The following UHRF1 variants were observed in gnomAD, a reference collection of about 807,000 sequenced individuals.
UHRF1 encodes E3 ubiquitin-protein ligase UHRF1.
A neutral mutation model predicts 96.5 loss-of-function variants in UHRF1; 9 were observed. That is an observed-to-expected ratio of 0.09 (90% CI 0.06 to 0.16). UHRF1 has a LOEUF of 0.16. Among genes scored for constraint, UHRF1 ranks in the 10% least tolerant of loss-of-function variants. UHRF1 has a pLI of 1.00. For missense variants in UHRF1, 626 were observed against 1,131.1 expected (o/e 0.55, Z 6.40); for synonymous variants, 455 against 469.9 (o/e 0.97, Z 0.41).
rs2033031450 is a variant in UHRF1 at position 4,930,918 on chromosome 19, G to A, written c.569+42G>A. On this transcript the variant is annotated intron_variant, in intron 4 of 16. Transcript: ENST00000650932. The surrounding 1 kb of genome is among the most constrained non-coding windows in gnomAD (Gnocchi z 4.4). Reference sequence around the variant, plus strand: ...GGGCGGGCCTGGGTATTCAGGCTCTGTGACGCGCATCCTTGGCTGCGGGTG... The same window carrying A: ...GGGCGGGCCTGGGTATTCAGGCTCTATGACGCGCATCCTTGGCTGCGGGTG... 1 of 1,609,140 alleles carries A rather than the reference G, an allele frequency of 6.2e-7. No individual in the cohort carries two copies. The highest frequency in any genetic ancestry group is 2.2e-5 in the East Asian group (1 of 44,786).
intron 5 of UHRF1, among the ~76,000 whole-genome samples, chr19:4,941,080 GTTTTGTTTTTT>G (rs1168036200): frequency 1.8e-5 from 2 of 112,844 alleles, no homozygotes; most frequent in African/African-American, 3.8e-5. Flanking sequence ...TGGTTTCTGT[GTTTTGTTTTTT>G]TTTTTTTTTT....
intron 11 of UHRF1, among the ~76,000 whole-genome samples, chr19:4,947,996 C>G (rs1207993770): frequency 6.7e-6 from 1 of 149,636 alleles, no homozygotes; most frequent in Non-Finnish European, 1.5e-5. Flanking sequence ...CACAGCTAGT[C>G]AGGAGGCTGA....
intron 11 of UHRF1, among the ~76,000 whole-genome samples, chr19:4,949,686 A>T (rs994272497): frequency 6.6e-6 from 1 of 152,088 alleles, no homozygotes; most frequent in Non-Finnish European, 1.5e-5. Context: ...AGAATTTCAA[A>T]AAAGTTAGCT....
chr19:4,960,760 C>T lies in UHRF1; in HGVS notation c.2339C>T (p.Thr780Ile), dbSNP rs2033967818. The T allele has an allele frequency of 6.4e-6, 10 of 1,572,712 alleles. No homozygotes were observed. The highest frequency in any genetic ancestry group is 3.3e-4 in the Middle Eastern group (2 of 5,980). Residue 780 changes from threonine (T) to isoleucine (I), a missense_variant, in exon 17 of 17, where the codon ACC becomes ATC. Coordinates refer to ENST00000650932, the MANE Select transcript of UHRF1 (RefSeq NM_001048201.3). ...ATGCAGGTGAACCAGCCTCTGCAGA[C>T]CGTCCTCAACCAGCTCTTCCCCGGC... The part of the protein sequence containing the change: ...YAMQVNQPLQ[T>I]VLNQLFPGYG...
chr19:4,950,542 C>A, intron 11 of UHRF1, 69 bp from the exon 12 acceptor site: 1 of 1,534,250 alleles, frequency 6.5e-7, no homozygotes. Context: ...CCACTCCCGG[C>A]TCCTGTGTTT....
chr19:4,949,127 A>G (rs2033651144), intron 11 of UHRF1, among the ~76,000 whole-genome samples: 1 of 151,994 alleles, frequency 6.6e-6, no homozygotes, highest in Admixed American at 6.6e-5. Context: ...AGAGCAAAAA[A>G]AAAAAAAGAG....
intron 11 of UHRF1, among the ~76,000 whole-genome samples, chr19:4,949,399 T>C (rs1026465536): frequency 2.1e-5 from 3 of 143,020 alleles, no homozygotes; most frequent in Non-Finnish European, 4.7e-5. Context: ...AAAATGTCTT[T>C]AGGAGACCTC....
rs953945682 is a variant in UHRF1, at chr19:4,956,715, T to G, written c.2137T>G (p.Leu713Val). Residue 713 changes from leucine to valine, a missense_variant, in exon 16 of 17, where the codon TTG becomes GTG. Transcript: ENST00000650932. ...DRPASGSPFQ[L>V]FLSKVEETFQ... The stretch of plus-strand genomic sequence containing the variant: ...CACACCCGCTTCCCTCTAGTTCCAG[T>G]TGTTCCTGAGTAAAGTGGAGGAGAC... The G allele has an allele frequency of 1.9e-6, 3 of 1,610,130 alleles. No individual in the cohort carries two copies. In the African/African-American group the frequency reaches 4.0e-5, roughly 21 times the overall value.
chr19:4,950,348 A>G lies in UHRF1; in HGVS notation c.1518-263A>G, dbSNP rs558993998. 8.9e-4 allele frequency among the ~76,000 whole-genome samples: 135 copies of G among 151,414 alleles called. 1 individual carries two copies. Among genetic ancestry groups the G allele is most frequent in the African/African-American group, 2.7e-3 (112 of 41,192 alleles). ...AACCTCTGCCTCCCAGACTCAAGCGATTCTCCTGCCTCAGCCTCCTGAGTA... is the reference window on the plus strand; with the variant it reads ...AACCTCTGCCTCCCAGACTCAAGCGGTTCTCCTGCCTCAGCCTCCTGAGTA... On this transcript the variant is annotated intron_variant, in intron 11 of 16. Coordinates refer to ENST00000650932, the MANE Select transcript of UHRF1 (RefSeq NM_001048201.3).
chr19:4,911,868 C>T (rs140661550), intron 2 of UHRF1, among the ~76,000 whole-genome samples: 119 of 152,130 alleles, frequency 7.8e-4, no homozygotes, highest in African/African-American at 2.6e-3. Flanking sequence ...ACCGTGGGGA[C>T]GGGCGTAGAC....
Position 4,932,962 on chromosome 19 carries a change from C to A in UHRF1, c.785+6C>A, listed in dbSNP as rs756018450. 10 of 1,601,358 alleles carry A rather than the reference C, an allele frequency of 6.2e-6. No homozygotes were observed. The South Asian group carries it at 1.0e-4, about 16-fold the overall frequency. The stretch of plus-strand genomic sequence containing the variant: ...TACGCCAACGTGGTGCTGGGGTGAG[C>A]CTCGCGTCCTGGGGCGAGCCCTTCC... On this transcript the variant is annotated splice_donor_region_variant and intron_variant, in intron 5 of 16. Coordinates refer to ENST00000650932, the MANE Select transcript of UHRF1 (RefSeq NM_001048201.3).
intron 5 of UHRF1, among the ~76,000 whole-genome samples, chr19:4,936,177 C>G (rs2033210608): frequency 6.6e-6 from 1 of 152,152 alleles, no homozygotes; most frequent in Admixed American, 6.6e-5. Flanking sequence ...CTTGCCAGCC[C>G]CATGGGAGCT....
rs1324478782 is a variant in UHRF1 at position 4,941,591 on chromosome 19, G to A, written c.849G>A (p.Pro283=). The A allele has an allele frequency of 3.7e-6, 6 of 1,613,696 alleles. No homozygotes were observed. Among genetic ancestry groups the A allele is most frequent in the South Asian group, 2.2e-5 (2 of 91,022 alleles). ...FVDEVFKIER[P]GEGSPMVDNP... is the part of the protein sequence containing the mutation. The stretch of plus-strand genomic sequence containing the variant: ...ACGAAGTCTTCAAGATTGAGCGGCC[G>A]GGTGAAGGGAGCCCCATGGTTGACA... The change falls in exon 6 of 17, where the codon CCG becomes CCA. Residue 283 remains proline, a synonymous_variant. Transcript: ENST00000650932.
At chr19:4,909,892 G>T (rs543689766) in intron 1 of UHRF1, 12 of 375,200 alleles carry the variant, frequency 3.2e-5, no homozygotes, top group East Asian at 7.9e-5. Flanking sequence ...CGCGCCGGGT[G>T]GGGGAGGGCC....
In UHRF1 at chr19:4,944,119, C is replaced by T. The variant is rs1222459706; in HGVS notation, c.1074-13C>T. 1 of 1,613,230 alleles carries T rather than the reference C, an allele frequency of 6.2e-7. No individual in the cohort carries two copies. Among genetic ancestry groups the T allele is most frequent in the Admixed American group, 1.7e-5 (1 of 59,944 alleles). ...CAGGCTAGGCGTGGGCAGTGACAAT[C>T]CCGACCTCGCAGGTACTGCCCTGAG... On this transcript the variant is annotated splice_polypyrimidine_tract_variant and intron_variant, in intron 7 of 16. Coordinates refer to ENST00000650932, the MANE Select transcript of UHRF1 (RefSeq NM_001048201.3).
At chr19:4,916,626 G>GCGGCGCCGTCCACGC (rs1354669343) in intron 2 of UHRF1, among the ~76,000 whole-genome samples, 5 of 151,984 alleles carry the variant, frequency 3.3e-5, no homozygotes, top group African/African-American at 9.7e-5. Flanking sequence ...GGATGCCCTC[G>GCGGCGCCGTCCACGC]CGGCGCCGTC....
At chr19:4,935,024 A>C (rs1169245012) in intron 5 of UHRF1, among the ~76,000 whole-genome samples, 1 of 151,862 alleles carries the variant, frequency 6.6e-6, no homozygotes, top group Non-Finnish European at 1.5e-5. Context: ...CCCAGGCTGG[A>C]ATGCAGTGGC....
rs759127537 is a variant in UHRF1 at position 4,954,788 on chromosome 19, C to A, written c.2096C>A (p.Ala699Glu). ...SNAKLWNEVLASLKDRPASGS... is the reference protein window; with the variant it reads ...SNAKLWNEVLESLKDRPASGS... ...GCCAAGCTGTGGAATGAGGTCCTGG[C>A]GTCACTCAAGGACCGGCCGGCGAGC... The change falls in exon 15 of 17, where the codon GCG (alanine) becomes GAG (glutamate). Residue 699 changes from alanine (A) to glutamate (E), a missense_variant. Physicochemically the swap from Ala to Glu is moderately radical, Grantham distance 107 (BLOSUM62 -1). Around this residue, in one of 11 missense-constraint regions of UHRF1, gnomAD observed 84 missense variants for 150.3 expected, o/e 0.56. Coordinates refer to ENST00000650932, the MANE Select transcript of UHRF1 (RefSeq NM_001048201.3). The surrounding 1 kb of genome is among the most constrained non-coding windows in gnomAD (Gnocchi z 5.9). The A allele has an allele frequency of 1.2e-6, 2 of 1,613,812 alleles. No homozygotes were observed. Among genetic ancestry groups the A allele is most frequent in the Non-Finnish European group, 8.5e-7 (1 of 1,179,820 alleles).
At chr19:4,910,641 T>G in intron 1 of UHRF1, 1 of 400,434 alleles carries the variant, frequency 2.5e-6, no homozygotes, top group Non-Finnish European at 4.4e-6. Context: ...ATTCCCTCTT[T>G]TCATTCTCCT....
Sources: allele counts gnomAD v4.1 joint callset (sites outside exome capture counted in the v4.1 genomes callset), GRCh38; gene constraint gnomAD v4.1.1; regional missense constraint gnomAD v4.1.1; non-coding constraint Gnocchi (gnomAD v3.1); transcripts MANE v1.5; gene names NCBI Gene and HGNC (gene_info 2026-07-23, HGNC 2026-07-21).